Variants in NECAB2 observed in about 807,000 individuals in gnomAD.
NECAB2 encodes the protein N-terminal EF-hand calcium-binding protein 2.
Under a neutral mutation model 51.9 loss-of-function variants are expected in NECAB2, and 68 were observed. That is an observed-to-expected ratio of 1.31 (90% CI 1.08 to 1.60). The LOEUF is 1.60. Among genes scored for constraint, NECAB2 ranks in the 40% most tolerant of loss-of-function variants. The pLI is 0.00. For missense variants in NECAB2, 854 were observed against 490.3 expected, an observed-to-expected ratio of 1.74 and a Z score of -7.00; for synonymous variants, 329 against 203.5, an observed-to-expected ratio of 1.62 and a Z score of -5.25.
At chr16:83,965,466 C>G, upstream of NECAB2, 1 of 1,603,084 alleles carries the variant, frequency 6.2e-7, no homozygotes, top group Non-Finnish European at 8.5e-7. Flanking sequence ...CTGTCAGCGG[C>G]CGACGCGGTC....
intron 5 of NECAB2, 124 bp from the exon 6 acceptor site, chr16:83,990,370 T>A: frequency 7.9e-7 from 1 of 1,263,790 alleles, no homozygotes; most frequent in Non-Finnish European, 1.1e-6. Context: ...GGCCGTGGGG[T>A]CCTCCCTTCC....
chr16:83,988,646 C>G (rs74032349), intron 5 of NECAB2, among the ~76,000 whole-genome samples: 1,700 of 152,298 alleles, frequency 0.011, 36 homozygotes, highest in African/African-American at 0.039. Flanking sequence ...TGACTTAGGA[C>G]AAACTCTTAA....
At chr16:83,990,373 T>C in intron 5 of NECAB2, 121 bp from the exon 6 acceptor site, 1 of 1,332,260 alleles carries the variant, frequency 7.5e-7, no homozygotes, top group Non-Finnish European at 1.0e-6. Flanking sequence ...CGTGGGGTCC[T>C]CCCTTCCCTT....
rs533269764 is a variant in NECAB2 at position 84,001,912 on chromosome 16, G to A, written c.1128G>A (p.Val376=). ...CTGAGGCCCTCTCCAGGATCTTGGTGCCAGGTAGGGGGCAAAGGCCTGGAA... is the reference window on the plus strand; with the variant it reads ...CTGAGGCCCTCTCCAGGATCTTGGTACCAGGTAGGGGGCAAAGGCCTGGAA... ...SQPEALSRIL[V]PAAWCTVGRD is the part of the protein sequence containing the mutation. Residue 376 remains valine, a synonymous_variant, in exon 12 of 13, where the codon GTG becomes GTA. Coordinates refer to ENST00000305202, the MANE Select transcript of NECAB2 (RefSeq NM_019065.3). The A allele has an allele frequency of 3.7e-6, 6 of 1,613,900 alleles. No individual in the cohort carries two copies. The highest frequency in any genetic ancestry group is 1.7e-5 in the Admixed American group (1 of 60,008).
At position 84,000,783 on chromosome 16, in the gene NECAB2, CAG is replaced by C; in HGVS notation, c.1025_1026del (p.Glu342GlyfsTer13). 1.9e-6 allele frequency: 3 copies of C among 1,613,630 alleles called. No homozygotes were observed. Among genetic ancestry groups the C allele is most frequent in the Non-Finnish European group, 2.5e-6 (3 of 1,179,948 alleles). ...TTTGTCATCTATGAGTTCTGGGAGACAGAGGAGGCGTGGAAGAGGTGAGATGC... is the reference window on the plus strand; with the variant it reads ...TTTGTCATCTATGAGTTCTGGGAGACAGGAGGCGTGGAAGAGGTGAGATGC... On this transcript the variant is annotated frameshift_variant, in exon 11 of 13. Transcript: ENST00000305202. LOFTEE classifies it high-confidence loss of function.
intron 2 of NECAB2, among the ~76,000 whole-genome samples, chr16:83,975,934 A>G (rs554523196): frequency 2.0e-5 from 3 of 152,242 alleles, no homozygotes; most frequent in African/African-American, 7.2e-5. Flanking sequence ...TGAATTCATT[A>G]GGGCCGTGAT....
intron 11 of NECAB2, 22 bp downstream of exon 11, chr16:84,000,823 G>A (rs1182075667): frequency 6.2e-7 from 1 of 1,609,514 alleles, no homozygotes; most frequent in Non-Finnish European, 8.5e-7. Flanking sequence ...GGTCCCCACA[G>A]CAGGTGAGGG....
intron 5 of NECAB2, among the ~76,000 whole-genome samples, chr16:83,983,854 G>T (rs747516023): frequency 6.6e-6 from 1 of 152,036 alleles, no homozygotes. Context: ...ATTTTTCTAC[G>T]TAAAAATAGA....
At chr16:83,985,248 G>A (rs113534433) in intron 5 of NECAB2, among the ~76,000 whole-genome samples, 2 of 140,256 alleles carry the variant, frequency 1.4e-5, no homozygotes, top group Admixed American at 7.7e-5. Context: ...GGGAGGTGGA[G>A]GTTGCAGTGA....
At chr16:83,992,386 C>CCCCG (rs201988781) in intron 6 of NECAB2, among the ~76,000 whole-genome samples, 2 of 148,672 alleles carry the variant, frequency 1.3e-5, no homozygotes, top group African/African-American at 5.1e-5. Context: ...GTCCCCCCGC[C>CCCCG]CACCTCCATT....
At chr16:83,987,819 T>C (rs1201869565) in intron 5 of NECAB2, among the ~76,000 whole-genome samples, 1 of 152,226 alleles carries the variant, frequency 6.6e-6, no homozygotes, top group African/African-American at 2.4e-5. Flanking sequence ...GGGGAATTAC[T>C]GGGTTAAAGA....
chr16:83,979,943 T>C (rs1380671701), intron 3 of NECAB2, among the ~76,000 whole-genome samples: 1 of 152,186 alleles, frequency 6.6e-6, no homozygotes, highest in East Asian at 1.9e-4. Context: ...TAAAGCAGAA[T>C]GACAGGGTCG....
intron 2 of NECAB2, among the ~76,000 whole-genome samples, chr16:83,977,916 G>A (rs1260036794): frequency 6.6e-6 from 1 of 152,184 alleles, no homozygotes; most frequent in Non-Finnish European, 1.5e-5. Context: ...TTGGCGTTTG[G>A]AAGCTATGGA....
chr16:83,997,302 A>G (rs1439456223), intron 9 of NECAB2, 33 bp downstream of exon 9: 1 of 1,613,472 alleles, frequency 6.2e-7, no homozygotes, highest in Non-Finnish European at 8.5e-7. Flanking sequence ...TTCTGGGACC[A>G]CATCCCTACC....
At chr16:83,997,049 T>C (rs1307951635) in intron 8 of NECAB2, among the ~76,000 whole-genome samples, 167 bp from the exon 9 acceptor site, 3 of 150,416 alleles carry the variant, frequency 2.0e-5, no homozygotes, top group African/African-American at 7.5e-5. Flanking sequence ...AGGCCCCCTG[T>C]AGGCCAGAGG....
chr16:83,975,158 G>T (rs1465824532), intron 2 of NECAB2, among the ~76,000 whole-genome samples: 1 of 139,568 alleles, frequency 7.2e-6, no homozygotes, highest in Non-Finnish European at 1.5e-5. Flanking sequence ...GTGCAGGGAG[G>T]TGTGGGTGCA....
intron 6 of NECAB2, among the ~76,000 whole-genome samples, chr16:83,992,764 T>G (rs2084642854): frequency 6.6e-6 from 1 of 152,188 alleles, no homozygotes; most frequent in Non-Finnish European, 1.5e-5. Context: ...ACTCACTGGC[T>G]AGAATCCCTG....
chr16:83,998,070 T>G lies in NECAB2; in HGVS notation c.850-135T>G, dbSNP rs59756669. Reference sequence around the variant, plus strand: ...CCCATTTTTAGTCCATTCTTATCCATTCATGGGTAAGAATGAAAAGTGGGG... The same window carrying G: ...CCCATTTTTAGTCCATTCTTATCCAGTCATGGGTAAGAATGAAAAGTGGGG... On this transcript the variant is annotated intron_variant, in intron 9 of 12. Coordinates refer to ENST00000305202, the MANE Select transcript of NECAB2 (RefSeq NM_019065.3). 0.023 allele frequency: 17,435 copies of G among 767,992 alleles called. 2,151 individuals are homozygous for G. In the African/African-American group the frequency reaches 0.27, roughly 12 times the overall value. 47.6% of individuals were successfully genotyped at this position (767,992 alleles called of 1,614,324 possible). A position where few individuals can be genotyped will look rare whatever the true frequency, so the allele number is the denominator to read the frequency against.
chr16:83,980,742 A>G, intron 3 of NECAB2, 97 bp from the exon 4 acceptor site: 1 of 1,468,236 alleles, frequency 6.8e-7, no homozygotes, highest in South Asian at 1.2e-5. Flanking sequence ...CAGGCTGCAA[A>G]GAGCAGGCAG....
Sources: gnomAD v4.1 joint callset for allele counts (sites outside exome capture counted in the v4.1 genomes callset) on GRCh38, gnomAD v4.1.1 for gene constraint, MANE v1.5 for transcripts, NCBI Gene and HGNC (gene_info 2026-07-23, HGNC 2026-07-21) for gene names.